The following FOCAD variants were observed in gnomAD, a reference collection of about 807,000 sequenced individuals.
FOCAD encodes the protein KIAA1797.
Under a neutral mutation model 225.6 loss-of-function variants are expected in FOCAD, and 198 were observed. The ratio of observed to expected loss-of-function variants is 0.88; its 90% confidence interval spans 0.78 to 0.99. FOCAD has a LOEUF of 0.99. Ranked by LOEUF, FOCAD falls within the 50% of genes least tolerant of loss-of-function variation. FOCAD has a pLI of 0.00. For missense variants in FOCAD, 2,713 were observed against 2,123.6 expected (o/e 1.28, Z -5.46); for synonymous variants, 897 against 755.0 (o/e 1.19, Z -3.08).
intron 29 of FOCAD, among the ~76,000 whole-genome samples, chr9:20,945,619 G>T (rs1190343021): frequency 2.0e-5 from 3 of 152,176 alleles, no homozygotes; most frequent in Non-Finnish European, 4.4e-5. Flanking sequence ...TTTTAAAGCA[G>T]TGTAGAGTGT....
intron 35 of FOCAD, among the ~76,000 whole-genome samples, chr9:20,964,922 T>G (rs1435702709): frequency 6.6e-6 from 1 of 152,186 alleles, no homozygotes; most frequent in Non-Finnish European, 1.5e-5. Context: ...GGGAGCAGGT[T>G]AGTGGGTCAC....
intron 8 of FOCAD, among the ~76,000 whole-genome samples, chr9:20,770,927 A>G (rs1296126116): frequency 3.9e-5 from 6 of 152,254 alleles, no homozygotes; most frequent in African/African-American, 1.2e-4. Context: ...TATAGAATAC[A>G]TAGATGAAAA....
intron 12 of FOCAD, 167 bp from the exon 13 acceptor site, chr9:20,820,157 C>G: frequency 3.6e-6 from 2 of 561,642 alleles, no homozygotes; most frequent in East Asian, 6.0e-5. Flanking sequence ...GGATTGTTAT[C>G]TAGCCCCTCC....
chr9:20,928,469 G>C (rs1029827460), intron 26 of FOCAD, among the ~76,000 whole-genome samples: 2 of 152,164 alleles, frequency 1.3e-5, no homozygotes, highest in African/African-American at 4.8e-5. Flanking sequence ...GGACAACACT[G>C]CCCTTATGGT....
At chr9:20,842,132 T>TC (rs1335965914) in intron 15 of FOCAD, among the ~76,000 whole-genome samples, 1 of 151,782 alleles carries the variant, frequency 6.6e-6, no homozygotes, top group Non-Finnish European at 1.5e-5. Flanking sequence ...ACATGATTTT[T>TC]TTTTTCAATT....
intron 11 of FOCAD, 115 bp downstream of exon 11, chr9:20,789,723 T>G: frequency 3.8e-6 from 1 of 260,618 alleles, no homozygotes; most frequent in Non-Finnish European, 5.9e-6. Context: ...GGGTTGATGA[T>G]TTTTTTTTTT....
chr9:20,768,099 T>A (rs978834386), intron 7 of FOCAD, among the ~76,000 whole-genome samples: 31 of 149,872 alleles, frequency 2.1e-4, no homozygotes, highest in African/African-American at 7.6e-4. Context: ...TCCCCATTGC[T>A]TGTTTTTCTC....
chr9:20,764,252 T>G (rs186696619), intron 6 of FOCAD, among the ~76,000 whole-genome samples: 44 of 152,252 alleles, frequency 2.9e-4, no homozygotes, highest in Admixed American at 2.2e-3. Flanking sequence ...CTAGAAAGGT[T>G]GTCAGGTGAT....
chr9:20,674,683 G>A (rs1209438098), intron 2 of FOCAD, among the ~76,000 whole-genome samples: 1 of 152,224 alleles, frequency 6.6e-6, no homozygotes, highest in African/African-American at 2.4e-5. Context: ...TAGGCCATGT[G>A]TTCTTTGAAT....
At chr9:20,744,163 G>A (rs533654698) in intron 5 of FOCAD, among the ~76,000 whole-genome samples, 1 of 152,140 alleles carries the variant, frequency 6.6e-6, no homozygotes. Context: ...TGGGTGGGTG[G>A]TTGTGGGAGG....
chr9:20,707,255 A>T (rs1365914377), intron 1 of FOCAD, among the ~76,000 whole-genome samples: 1 of 152,220 alleles, frequency 6.6e-6, no homozygotes, highest in Non-Finnish European at 1.5e-5. Context: ...ATTGGCTAAG[A>T]TAAAAGTATT....
At chr9:20,931,503 T>A (rs2132214182) in intron 27 of FOCAD, among the ~76,000 whole-genome samples, 1 of 152,334 alleles carries the variant, frequency 6.6e-6, no homozygotes, top group East Asian at 1.9e-4. Context: ...TAACAGAGAA[T>A]TTCATCTTTG....
chr9:20,890,987 G>C (rs1031134084), intron 21 of FOCAD, among the ~76,000 whole-genome samples: 1 of 151,872 alleles, frequency 6.6e-6, no homozygotes, highest in Non-Finnish European at 1.5e-5. Context: ...AATTATCTAG[G>C]CACCATTTTT....
intron 2 of FOCAD, among the ~76,000 whole-genome samples, chr9:20,659,464 G>A (rs974527118): frequency 5.3e-5 from 3 of 56,120 alleles, no homozygotes; most frequent in Admixed American, 3.5e-4. Flanking sequence ...GAAAGAAAAA[G>A]AGGTGATTAA....
intron 8 of FOCAD, among the ~76,000 whole-genome samples, chr9:20,778,069 G>T (rs1484661830): frequency 3.7e-5 from 4 of 107,188 alleles, no homozygotes; most frequent in Non-Finnish European, 6.9e-5. Context: ...CCGCCTGGGC[G>T]ACAGAACGAG....
At chr9:20,705,130 T>G (rs1322144898) in intron 1 of FOCAD, among the ~76,000 whole-genome samples, 4 of 152,210 alleles carry the variant, frequency 2.6e-5, no homozygotes, top group Admixed American at 6.5e-5. Context: ...AGTTAATACA[T>G]GTAAAATGCT....
intron 22 of FOCAD, among the ~76,000 whole-genome samples, chr9:20,911,945 C>T (rs982263833): frequency 7.9e-5 from 12 of 152,154 alleles, no homozygotes; most frequent in African/African-American, 2.9e-4. Context: ...GATCCTCAAT[C>T]TCACTAGTAA....
At chr9:20,817,341 C>G (rs539411584) in intron 11 of FOCAD, among the ~76,000 whole-genome samples, 2 of 152,160 alleles carry the variant, frequency 1.3e-5, no homozygotes, top group East Asian at 3.9e-4. Context: ...AACCCCATGC[C>G]CATAAGACGT....
intron 4 of FOCAD, among the ~76,000 whole-genome samples, chr9:20,723,150 A>G (rs922597508): frequency 6.6e-6 from 1 of 152,232 alleles, no homozygotes; most frequent in Non-Finnish European, 1.5e-5. Flanking sequence ...TCATCTCTGC[A>G]TATTATAATT....
Sources: allele counts gnomAD v4.1 joint callset (sites outside exome capture counted in the v4.1 genomes callset), GRCh38; gene constraint gnomAD v4.1.1; transcripts MANE v1.5; gene names NCBI Gene and HGNC (gene_info 2026-07-23, HGNC 2026-07-21).